Variants in RARB observed in about 807,000 individuals in gnomAD.
The protein encoded by RARB is retinoic acid receptor beta.
RARB carries 17 observed loss-of-function variants against 51.9 expected under a neutral mutation model. That is an observed-to-expected ratio of 0.33 (90% confidence interval 0.22 to 0.49). The LOEUF is 0.49. RARB is among the 20% of genes least tolerant of loss of function. The pLI, the probability that RARB is intolerant of heterozygous loss-of-function variation, is 0.99. For missense variants in RARB, 369 were observed against 550.8 expected (o/e 0.67, Z 3.30); for synonymous variants, 215 against 195.4 (o/e 1.10, Z -0.84).
chr3:25,439,293 C>T (rs373215966), intron 1 of RARB, among the ~76,000 whole-genome samples: 56 of 149,858 alleles, frequency 3.7e-4, no homozygotes, highest in African/African-American at 1.3e-3. Flanking sequence ...CTATTGTGTG[C>T]AGAGGATCCC....
At position 25,180,306 on chromosome 3, in the gene RARB, G is replaced by A. The variant is rs117372117; in HGVS notation, c.178+5731G>A. 2.2e-3 allele frequency among the ~76,000 whole-genome samples: 331 copies of A among 152,226 alleles called. 2 individuals carry two copies. The highest frequency in any genetic ancestry group is 0.02 in the East Asian group (103 of 5,170). The stretch of plus-strand genomic sequence containing the variant: ...GAATTCCTTTCGATAAAGACATTCC[G>A]GTTGTATTTATTAGATAAAATGTAG... On this transcript the variant is annotated intron_variant, in intron 5 of 11. Transcript: ENST00000383772.
intron 2 of RARB, among the ~76,000 whole-genome samples, chr3:25,499,485 T>C (rs1456218682): frequency 6.6e-6 from 1 of 152,198 alleles, no homozygotes; most frequent in Non-Finnish European, 1.5e-5. Flanking sequence ...TCATCCATTG[T>C]CTGCAAAGCT....
At chr3:25,332,349 T>C (rs982566046) in intron 5 of RARB, among the ~76,000 whole-genome samples, 1 of 152,208 alleles carries the variant, frequency 6.6e-6, no homozygotes, top group African/African-American at 2.4e-5. Flanking sequence ...GCTTCATCCC[T>C]GGGATGCAAG....
Position 24,887,210 on chromosome 3 carries a change from T to C in RARB, c.-380+28458T>C, listed in dbSNP as rs552431650. On this transcript the variant is annotated intron_variant, in intron 2 of 11. Coordinates refer to the RARB transcript ENST00000383772. ...AACTAGTATGCAGGAGGAAAGATGA[T>C]GTATGAAGAAAACTTTCAAGGCGGC... Among the ~76,000 whole-genome samples, 11 of 152,338 alleles carry C rather than the reference T, an allele frequency of 7.2e-5. No homozygotes were observed. The South Asian group carries it at 1.0e-3, about 14-fold the overall frequency.
At chr3:25,172,629 T>G (rs1396701768) in intron 4 of RARB, among the ~76,000 whole-genome samples, 1 of 152,168 alleles carries the variant, frequency 6.6e-6, no homozygotes, top group East Asian at 1.9e-4. Context: ...GACGTAAGCT[T>G]TAGTCCTAAC....
At position 24,953,691 on chromosome 3, in the gene RARB, T is replaced by C. The variant is rs114429387; in HGVS notation, c.-380+94939T>C. Among the ~76,000 whole-genome samples, 453 of 152,284 alleles carry C rather than the reference T, an allele frequency of 3.0e-3. 2 individuals carry two copies. Among genetic ancestry groups the C allele is most frequent in the African/African-American group, 0.01 (430 of 41,554 alleles). On this transcript the variant is annotated intron_variant, in intron 2 of 11. Coordinates refer to the RARB transcript ENST00000383772. ...GAAGAGGCCTTTGTGCCTAGGAAAT[T>C]ACAGATTTTTTTTCAAAAACAATTC...
At chr3:25,238,499 T>C (rs1702355750) in intron 5 of RARB, among the ~76,000 whole-genome samples, 1 of 152,192 alleles carries the variant, frequency 6.6e-6, no homozygotes, top group Non-Finnish European at 1.5e-5. Context: ...GATATACTGA[T>C]GTTTTTTCCC....
chr3:24,856,666 C>G (rs2125339067), intron 1 of RARB, among the ~76,000 whole-genome samples: 1 of 152,314 alleles, frequency 6.6e-6, no homozygotes, highest in Non-Finnish European at 1.5e-5. Context: ...ACATGTTACT[C>G]TCTGGTTATT....
intron 5 of RARB, among the ~76,000 whole-genome samples, chr3:25,270,252 T>C (rs1321995644): frequency 6.6e-6 from 1 of 152,188 alleles, no homozygotes; most frequent in Non-Finnish European, 1.5e-5. Context: ...GGTGCATGAA[T>C]AGATAAGCCA....
chr3:25,119,739 A>G (rs1580819), intron 3 of RARB, among the ~76,000 whole-genome samples: 125,504 of 152,054 alleles, frequency 0.83, 51,908 homozygotes, highest in Non-Finnish European at 0.85. Context: ...AAACCTACTC[A>G]TTTGTTCAGG....
chr3:25,211,496 T>G (rs1701697108), intron 5 of RARB, among the ~76,000 whole-genome samples: 1 of 152,224 alleles, frequency 6.6e-6, no homozygotes, highest in South Asian at 2.1e-4. Flanking sequence ...TGGAAATTTA[T>G]TAATAAAGAT....
chr3:25,155,689 TC>T (rs1278874682), intron 4 of RARB, among the ~76,000 whole-genome samples: 5 of 152,226 alleles, frequency 3.3e-5, no homozygotes, highest in Non-Finnish European at 7.3e-5. Context: ...CTACAATTCC[TC>T]TTGATTTTCA....
chr3:25,010,771 A>G (rs922806997), intron 2 of RARB, among the ~76,000 whole-genome samples: 1 of 152,152 alleles, frequency 6.6e-6, no homozygotes, highest in Non-Finnish European at 1.5e-5. Flanking sequence ...GACACCCTTC[A>G]TGAACCCTCC....
chr3:25,522,468 ATTT>A (rs1698444754), intron 3 of RARB, among the ~76,000 whole-genome samples: 1 of 152,138 alleles, frequency 6.6e-6, no homozygotes, highest in Non-Finnish European at 1.5e-5. Context: ...AGTTTTCTTT[ATTT>A]AGCAGTAAGG....
intron 5 of RARB, among the ~76,000 whole-genome samples, chr3:25,215,053 C>T (rs1038298313): frequency 5.3e-5 from 8 of 152,124 alleles, no homozygotes; most frequent in East Asian, 1.9e-4. Context: ...ACCTATATAA[C>T]GGGGCTGATT....
At position 25,062,058 on chromosome 3, in the gene RARB, G is replaced by A. The variant is rs114768363; in HGVS notation, c.-328+1882G>A. ...AATGATGGGAAACAAGAATATAGAA[G>A]TATAAAATATCTTTATGGCAAAAGA... On this transcript the variant is annotated intron_variant, in intron 3 of 11. Transcript: ENST00000383772. 4.5e-3 allele frequency among the ~76,000 whole-genome samples: 689 copies of A among 151,648 alleles called. 6 individuals carry two copies. Among genetic ancestry groups the A allele is most frequent in the African/African-American group, 0.016 (652 of 41,466 alleles).
intron 5 of RARB, among the ~76,000 whole-genome samples, chr3:25,336,526 T>G (rs1705067607): frequency 1.3e-5 from 2 of 152,224 alleles, no homozygotes; most frequent in South Asian, 4.1e-4. Flanking sequence ...GTTAGACTTC[T>G]CTGTAACACA....
At chr3:25,263,224 T>C (rs1326947481) in intron 5 of RARB, among the ~76,000 whole-genome samples, 2 of 152,088 alleles carry the variant, frequency 1.3e-5, no homozygotes, top group Admixed American at 1.3e-4. Context: ...AAATTACATA[T>C]TGTATATCAC....
intron 2 of RARB, among the ~76,000 whole-genome samples, chr3:25,466,248 C>T (rs186872282): frequency 6.6e-5 from 10 of 152,284 alleles, no homozygotes; most frequent in Admixed American, 3.3e-4. Flanking sequence ...AGTGCAGTGG[C>T]GCGATCTAGG....
Sources: gnomAD v4.1 joint callset for allele counts (sites outside exome capture counted in the v4.1 genomes callset) on GRCh38, gnomAD v4.1.1 for gene constraint, MANE v1.5 for transcripts, NCBI Gene and HGNC (gene_info 2026-07-23, HGNC 2026-07-21) for gene names.